Variants in INSYN2B observed in about 807,000 individuals in gnomAD.
INSYN2B encodes inhibitory synaptic factor family member 2B.
A neutral mutation model predicts 41.2 loss-of-function variants in INSYN2B; 16 were observed. That is an observed-to-expected ratio of 0.39 (90% CI 0.26 to 0.59). The LOEUF is 0.59. Among genes scored for constraint, INSYN2B ranks in the 20% least tolerant of loss-of-function variants. The pLI is 0.57. For synonymous variants in INSYN2B, 245 were observed against 244.4 expected (o/e 1.00, Z -0.02); for missense variants, 608 against 646.4 (o/e 0.94, Z 0.64).
Position 169,950,400 on chromosome 5 carries a change from A to G in INSYN2B, c.-919+29877T>C, listed in dbSNP as rs146271491. 7.2e-5 allele frequency among the ~76,000 whole-genome samples: 11 copies of G among 152,380 alleles called. No homozygotes were observed. In the East Asian group the frequency reaches 1.5e-3, roughly 21 times the overall value. On this transcript the variant is annotated intron_variant, in intron 1 of 3. Transcript: ENST00000377365. ...CAAAAAACAGTAGTATTATCTCAGCATAACAGTCTTTTTGGACTTTCAAAC... is the reference window on the plus strand; with the variant it reads ...CAAAAAACAGTAGTATTATCTCAGCGTAACAGTCTTTTTGGACTTTCAAAC...
chr5:169,934,263 C>T (rs1209510997), intron 1 of INSYN2B, among the ~76,000 whole-genome samples: 1 of 152,166 alleles, frequency 6.6e-6, no homozygotes, highest in Non-Finnish European at 1.5e-5. Flanking sequence ...AGAAGAGTCC[C>T]TTCTACTGTA....
At chr5:169,866,985 G>A (rs1371380324) in intron 3 of INSYN2B, among the ~76,000 whole-genome samples, 5 of 152,186 alleles carry the variant, frequency 3.3e-5, no homozygotes. Context: ...CCACTTACAA[G>A]TCCGGGACCT....
intron 1 of INSYN2B, among the ~76,000 whole-genome samples, chr5:169,978,499 G>T (rs963928489): frequency 1.3e-4 from 19 of 151,546 alleles, no homozygotes; most frequent in African/African-American, 4.6e-4. Flanking sequence ...TCATGATGAT[G>T]ATGATGATGA....
chr5:169,886,109 T>C (rs1346900054), intron 1 of INSYN2B, among the ~76,000 whole-genome samples: 1 of 152,154 alleles, frequency 6.6e-6, no homozygotes, highest in African/African-American at 2.4e-5. Flanking sequence ...TGCATCTCTC[T>C]TTATAAAGAA....
intron 1 of INSYN2B, among the ~76,000 whole-genome samples, chr5:169,901,010 A>G (rs190090780): frequency 1.1e-3 from 168 of 152,340 alleles, no homozygotes; most frequent in Middle Eastern, 3.4e-3. Flanking sequence ...TATTAAGTGA[A>G]CAAACATCCA....
At chr5:169,915,557 AACACAC>A (rs56728646) in intron 1 of INSYN2B, among the ~76,000 whole-genome samples, 55,094 of 143,272 alleles carry the variant, frequency 0.38, 10,211 homozygotes, top group South Asian at 0.44. Flanking sequence ...ATTGACAGGG[AACACAC>A]ACACACACAC....
intron 1 of INSYN2B, among the ~76,000 whole-genome samples, chr5:169,929,224 A>G (rs994947426): frequency 6.6e-6 from 1 of 152,214 alleles, no homozygotes. Flanking sequence ...CAAAGCCCCA[A>G]GGGCCAGTAT....
intron 3 of INSYN2B, among the ~76,000 whole-genome samples, chr5:169,879,566 G>A (rs994190874): frequency 6.6e-6 from 1 of 152,216 alleles, no homozygotes; most frequent in Non-Finnish European, 1.5e-5. Flanking sequence ...AAAGGATGGT[G>A]TGCATGAAGG....
chr5:169,877,003 G>A (rs1410869145), intron 3 of INSYN2B, among the ~76,000 whole-genome samples: 1 of 152,244 alleles, frequency 6.6e-6, no homozygotes. Context: ...AATAGGATCA[G>A]TGACCTAGCA....
At chr5:169,950,544 G>A (rs1428671299) in intron 1 of INSYN2B, among the ~76,000 whole-genome samples, 3 of 152,192 alleles carry the variant, frequency 2.0e-5, no homozygotes, top group Non-Finnish European at 2.9e-5. Flanking sequence ...TAGCAAAGAA[G>A]TCATTCTCTG....
At chr5:169,903,049 G>A (rs183107305) in intron 1 of INSYN2B, among the ~76,000 whole-genome samples, 10 of 151,890 alleles carry the variant, frequency 6.6e-5, no homozygotes, top group Admixed American at 5.9e-4. Context: ...AGTGAGCTGA[G>A]ATCACGCCAC....
intron 1 of INSYN2B, among the ~76,000 whole-genome samples, chr5:169,967,136 G>A (rs776817569): frequency 3.3e-5 from 5 of 152,200 alleles, no homozygotes; most frequent in African/African-American, 7.2e-5. Flanking sequence ...TGGTCCAGAG[G>A]TGGACAGAGA....
chr5:169,974,952 T>G (rs1777664424), intron 1 of INSYN2B, among the ~76,000 whole-genome samples: 1 of 152,100 alleles, frequency 6.6e-6, no homozygotes, highest in Non-Finnish European at 1.5e-5. Context: ...GCAAGCAGGC[T>G]TCTCAGGTAG....
chr5:169,945,683 C>T (rs77468547), intron 1 of INSYN2B, among the ~76,000 whole-genome samples: 3 of 152,168 alleles, frequency 2.0e-5, no homozygotes, highest in Non-Finnish European at 4.4e-5. Flanking sequence ...AGGAGTAGAA[C>T]GGAGGCTGGA....
Position 169,862,485 on chromosome 5 carries a change from C to T in INSYN2B, c.*1788G>A, listed in dbSNP as rs1771266529. 6.6e-6 allele frequency among the ~76,000 whole-genome samples: 1 copy of T among 151,734 alleles called. No homozygotes were observed. The highest frequency in any genetic ancestry group is 2.4e-5 in the African/African-American group (1 of 41,208). On this transcript the variant is annotated 3_prime_UTR_variant, in exon 4 of 4. Coordinates refer to ENST00000377365, the MANE Select transcript of INSYN2B (RefSeq NM_001129891.3). ...CTTTTCCATTGCTGGGGCCAACTGACAGTTGATCGTATGGATACAGGAAAA... is the reference window on the plus strand; with the variant it reads ...CTTTTCCATTGCTGGGGCCAACTGATAGTTGATCGTATGGATACAGGAAAA...
At position 169,967,449 on chromosome 5, in the gene INSYN2B, G is replaced by A. The variant is rs116787427; in HGVS notation, c.-919+12828C>T. Among the ~76,000 whole-genome samples, 506 of 152,280 alleles carry A rather than the reference G, an allele frequency of 3.3e-3. 3 individuals are homozygous for A. Among genetic ancestry groups the A allele is most frequent in the African/African-American group, 0.012 (489 of 41,550 alleles). On this transcript the variant is annotated intron_variant, in intron 1 of 3. Coordinates refer to ENST00000377365, the MANE Select transcript of INSYN2B (RefSeq NM_001129891.3). ...ATATGATCTGGATGTGCAGGTTGGAGGGGAATTAGTATAAGTTCTGTGTGG... is the reference window on the plus strand; with the variant it reads ...ATATGATCTGGATGTGCAGGTTGGAAGGGAATTAGTATAAGTTCTGTGTGG...
At chr5:169,943,927 G>A (rs11740625) in intron 1 of INSYN2B, among the ~76,000 whole-genome samples, 36,132 of 152,134 alleles carry the variant, frequency 0.24, 4,551 homozygotes, top group Non-Finnish European at 0.27. Flanking sequence ...AATTCAGTGG[G>A]AAAATTTAGA....
intron 1 of INSYN2B, among the ~76,000 whole-genome samples, chr5:169,966,054 C>T (rs935993122): frequency 5.9e-5 from 9 of 152,198 alleles, no homozygotes; most frequent in Admixed American, 3.9e-4. Flanking sequence ...AGGAAGTTTT[C>T]CTTTGCAATA....
At chr5:169,921,815 C>T (rs1581420476) in intron 1 of INSYN2B, among the ~76,000 whole-genome samples, 2 of 152,270 alleles carry the variant, frequency 1.3e-5, no homozygotes, top group South Asian at 4.1e-4. Flanking sequence ...AGCTCTTAAT[C>T]GAACTTTTAA....
Sources: gnomAD v4.1 joint callset for allele counts (sites outside exome capture counted in the v4.1 genomes callset) on GRCh38, gnomAD v4.1.1 for gene constraint, MANE v1.5 for transcripts, NCBI Gene and HGNC (gene_info 2026-07-23, HGNC 2026-07-21) for gene names.